The following RAD54L variants were observed in gnomAD, a reference collection of about 807,000 sequenced individuals.
The protein encoded by RAD54L is DNA repair and recombination protein RAD54-like.
In RAD54L, 74 loss-of-function variants were observed where a neutral mutation model predicts 91.6. That is an observed-to-expected ratio of 0.81 (90% CI 0.67 to 0.98). RAD54L has a LOEUF of 0.98. Ranked by LOEUF, RAD54L falls within the 50% of genes least tolerant of loss-of-function variation. RAD54L has a pLI of 0.00. For missense variants in RAD54L, 887 were observed against 945.7 expected (o/e 0.94, Z 0.81); for synonymous variants, 304 against 349.7 (o/e 0.87, Z 1.46).
intron 3 of RAD54L, among the ~76,000 whole-genome samples, chr1:46,251,854 G>T (rs1042066363): frequency 3.9e-5 from 6 of 152,168 alleles, no homozygotes; most frequent in African/African-American, 1.2e-4. Context: ...AGGTTGCAGT[G>T]AGCTGAGATT....
chr1:46,261,172 C>G (rs1176375537), intron 7 of RAD54L, 89 bp from the exon 8 acceptor site: 1 of 1,571,138 alleles, frequency 6.4e-7, no homozygotes, highest in African/African-American at 1.4e-5. Context: ...TGTTTCCAGG[C>G]TAAATTAAAG....
At chr1:46,277,548 T>C (rs1177395199) in intron 16 of RAD54L, 4 of 508,690 alleles carry the variant, frequency 7.9e-6, no homozygotes, top group Non-Finnish European at 1.4e-5. Context: ...CAAACCTCAG[T>C]TCACCCTGAC....
chr1:46,250,160 A>G, intron 3 of RAD54L, 41 bp downstream of exon 3: 1 of 1,613,132 alleles, frequency 6.2e-7, no homozygotes, highest in Non-Finnish European at 8.5e-7. Context: ...GTCTGTGCCC[A>G]GTCACTCAGC....
intron 3 of RAD54L, among the ~76,000 whole-genome samples, chr1:46,255,218 A>G (rs2148281845): frequency 6.6e-6 from 1 of 152,174 alleles, no homozygotes; most frequent in African/African-American, 2.4e-5. Context: ...AAGATAGGAG[A>G]TAATTAAGTC....
intron 8 of RAD54L, 123 bp downstream of exon 8, chr1:46,261,508 G>C (rs60756035): frequency 3.7e-5 from 47 of 1,261,266 alleles, no homozygotes; most frequent in Non-Finnish European, 5.0e-5. Flanking sequence ...CTGCCTTGGA[G>C]ACAAGTGACA....
chr1:46,264,193 C>T (rs1033620705), intron 8 of RAD54L, among the ~76,000 whole-genome samples: 1 of 152,254 alleles, frequency 6.6e-6, no homozygotes, highest in African/African-American at 2.4e-5. Flanking sequence ...TCTTATCACA[C>T]TGCAGCCCCT....
rs1659701329 is a variant in RAD54L at position 46,248,224 on chromosome 1, G to A, written c.-182G>A. The A allele has an allele frequency of 1.3e-6, 1 of 768,180 alleles. No individual in the cohort carries two copies. The allele number at this position is 768,180 out of a possible 1,614,324, so 47.6% of individuals were successfully genotyped here. Reference sequence around the variant, plus strand: ...TTGGGGACGGCCACTCTCACAGTTTGGTTCCAAACACCAGTTCCTGGATGG... The same window carrying A: ...TTGGGGACGGCCACTCTCACAGTTTAGTTCCAAACACCAGTTCCTGGATGG... On this transcript the variant is annotated 5_prime_UTR_variant, in exon 1 of 18. Coordinates refer to ENST00000371975, the MANE Select transcript of RAD54L (RefSeq NM_003579.4).
In RAD54L at chr1:46,272,025, C is replaced by CTTTTTTTTTTTTTT. The variant is rs1162693010; in HGVS notation, c.1170-420_1170-407dup. ...GATGTGTTTGACATAGGTCTGATGA[C>CTTTTTTTTTTTTTT]TTTTTTTTTTTTTTTTTTTTTTTTT... On this transcript the variant is annotated intron_variant, in intron 10 of 17. Transcript: ENST00000371975. Among the ~76,000 whole-genome samples, 97 of 41,170 alleles carry CTTTTTTTTTTTTTT rather than the reference C, an allele frequency of 2.4e-3. 21 individuals carry two copies. The highest frequency in any genetic ancestry group is 3.4e-3 in the Admixed American group (8 of 2,334). 27.0% of individuals were successfully genotyped at this position (41,170 alleles called of 152,430 possible).
chr1:46,275,660 C>T (rs1404007037), intron 16 of RAD54L, among the ~76,000 whole-genome samples: 1 of 152,186 alleles, frequency 6.6e-6, no homozygotes, highest in Non-Finnish European at 1.5e-5. Context: ...TCAACCATTT[C>T]AAGCATCTAC....
intron 8 of RAD54L, among the ~76,000 whole-genome samples, chr1:46,264,094 C>T (rs1401831623): frequency 1.3e-5 from 2 of 152,208 alleles, no homozygotes; most frequent in Non-Finnish European, 2.9e-5. Context: ...CCGTGCCCAG[C>T]CTTTTTCTAC....
Position 46,260,067 on chromosome 1 carries a change from G to A in RAD54L, c.375G>A (p.Pro125=), listed in dbSNP as rs554436023. ...KDALVLYEPP[P]LSAHDQLKLD... ...CCTTGGTTCTGTATGAGCCTCCCCC[G>A]CTGAGCGCTCATGACCAGCTGAAGC... Residue 125 remains proline, a synonymous_variant, in exon 5 of 18, where the codon CCG becomes CCA. Coordinates refer to ENST00000371975, the MANE Select transcript of RAD54L (RefSeq NM_003579.4). 16 of 1,614,178 alleles carry A rather than the reference G, an allele frequency of 9.9e-6. No individual in the cohort carries two copies. In the African/African-American group the frequency reaches 1.2e-4, roughly 12 times the overall value.
chr1:46,248,325 C>A lies in RAD54L; in HGVS notation c.-81C>A. The A allele has an allele frequency of 6.4e-7, 1 of 1,559,926 alleles. No homozygotes were observed. ...TAGCAGCCCCCTCTACAGATTAGAC[C>A]CTGGTCCTACACTCTTAGCCGCTGC... On this transcript the variant is annotated 5_prime_UTR_variant, in exon 1 of 18. Coordinates refer to ENST00000371975, the MANE Select transcript of RAD54L (RefSeq NM_003579.4).
At chr1:46,253,093 A>G (rs1211829764) in intron 3 of RAD54L, among the ~76,000 whole-genome samples, 1 of 152,194 alleles carries the variant, frequency 6.6e-6, no homozygotes, top group East Asian at 1.9e-4. Flanking sequence ...ACTTGCGTAT[A>G]GGAAAATTCA....
At chr1:46,276,110 A>G (rs1238412866) in intron 16 of RAD54L, among the ~76,000 whole-genome samples, 1 of 152,072 alleles carries the variant, frequency 6.6e-6, no homozygotes, top group Admixed American at 6.6e-5. Flanking sequence ...CTTAATCTAC[A>G]TTTCCACTTA....
At position 46,250,046 on chromosome 1, in the gene RAD54L, G is replaced by GT; in HGVS notation, c.140dup (p.Leu48ProfsTer24). On this transcript the variant is annotated frameshift_variant, in exon 3 of 18. Coordinates refer to ENST00000371975, the MANE Select transcript of RAD54L (RefSeq NM_003579.4). LOFTEE classifies it high-confidence loss of function. ...AGCAGTGAGACCCAGATCCAGGAGTGTTTCCTGTCTCCTTTTCGGAAACCT... is the reference window on the plus strand; with the variant it reads ...AGCAGTGAGACCCAGATCCAGGAGTGTTTTCCTGTCTCCTTTTCGGAAACCT... The GT allele has an allele frequency of 6.2e-7, 1 of 1,614,060 alleles. No homozygotes were observed. The highest frequency in any genetic ancestry group is 8.5e-7 in the Non-Finnish European group (1 of 1,179,936).
rs769091194 is a variant in RAD54L at position 46,277,924 on chromosome 1, C to T, written c.1977C>T (p.Gly659=). Residue 659 remains glycine (G), a synonymous_variant, in exon 17 of 18, where the codon GGC becomes GGT. Transcript: ENST00000371975. ...EQDVERHFSL[G]ELKELFILDE... ...ATGTAGAGCGCCACTTCTCTCTGGG[C>T]GAGTTGAAGGAGCTGTTTATCCTGG... The T allele has an allele frequency of 4.4e-5, 71 of 1,613,910 alleles. No homozygotes were observed. Among genetic ancestry groups the T allele is most frequent in the Non-Finnish European group, 6.0e-5 (71 of 1,180,006 alleles).
rs1357787271 is a variant in RAD54L, at chr1:46,274,175, A to AAGAAGCGAGCC, written c.1650_1660dup (p.Lys554ArgfsTer7). The AAGAAGCGAGCC allele has an allele frequency of 6.2e-7, 1 of 1,614,056 alleles. No individual in the cohort carries two copies. The highest frequency in any genetic ancestry group is 2.2e-5 in the East Asian group (1 of 44,886). ...CCGCCTGGATGGCACGATGTCCATTAAGAAGCGAGCCAAGGTTGTAGAACG... is the reference window on the plus strand; with the variant it reads ...CCGCCTGGATGGCACGATGTCCATTAAGAAGCGAGCCAGAAGCGAGCCAAGGTTGTAGAACG... On this transcript the variant is annotated frameshift_variant, in exon 15 of 18. Coordinates refer to ENST00000371975, the MANE Select transcript of RAD54L (RefSeq NM_003579.4). LOFTEE classifies it high-confidence loss of function.
rs1387703811 is a variant in RAD54L, at chr1:46,260,522, T to C, written c.408-20T>C. On this transcript the variant is annotated intron_variant, in intron 5 of 17. Coordinates refer to ENST00000371975, the MANE Select transcript of RAD54L (RefSeq NM_003579.4). ...TTGCCCATGTCTGAGCACGCTGTTT[T>C]CTTTGCTGTGTTTTCTCAGGGAGAA... 6.8e-6 allele frequency: 11 copies of C among 1,612,362 alleles called. No individual in the cohort carries two copies. Among genetic ancestry groups the C allele is most frequent in the Non-Finnish European group, 9.3e-6 (11 of 1,178,686 alleles).
At chr1:46,258,979 G>C (rs1660017205) in intron 4 of RAD54L, among the ~76,000 whole-genome samples, 1 of 152,140 alleles carries the variant, frequency 6.6e-6, no homozygotes, top group African/African-American at 2.4e-5. Flanking sequence ...CCGGTGCTCA[G>C]AAAGCTCCTG....
Sources: gnomAD v4.1 joint callset for allele counts (sites outside exome capture counted in the v4.1 genomes callset) on GRCh38, gnomAD v4.1.1 for gene constraint, MANE v1.5 for transcripts, NCBI Gene and HGNC (gene_info 2026-07-23, HGNC 2026-07-21) for gene names.